Variants in NKAIN3 observed in about 807,000 individuals in gnomAD.
The protein encoded by NKAIN3 is sodium/potassium-transporting ATPase subunit beta-1-interacting protein 3.
In NKAIN3, 25 loss-of-function variants were observed where a neutral mutation model predicts 30.2. The ratio of observed to expected loss-of-function variants is 0.83; its 90% CI spans 0.60 to 1.16. NKAIN3 has a LOEUF of 1.16. Among genes scored for constraint, NKAIN3 ranks in the 50% most tolerant of loss-of-function variants. The pLI is 0.00. For missense variants in NKAIN3, 225 were observed against 254.1 expected, an observed-to-expected ratio of 0.89 and a Z score of 0.78; for synonymous variants, 91 against 89.6, an observed-to-expected ratio of 1.02 and a Z score of -0.09.
intron 4 of NKAIN3, among the ~76,000 whole-genome samples, chr8:62,777,637 T>A (rs903698854): frequency 2.0e-5 from 3 of 152,212 alleles, no homozygotes; most frequent in Non-Finnish European, 2.9e-5. Flanking sequence ...ACCAAAAAGC[T>A]ACTTTGAATT....
At chr8:62,778,404 C>T (rs1178335879) in intron 4 of NKAIN3, among the ~76,000 whole-genome samples, 1 of 152,124 alleles carries the variant, frequency 6.6e-6, no homozygotes, top group Non-Finnish European at 1.5e-5. Flanking sequence ...TGAGCTGGCA[C>T]TGAAGCCACA....
At position 62,305,023 on chromosome 8, in the gene NKAIN3, A is replaced by C. The variant is rs1814180622; in HGVS notation, c.54+55896A>C. Among the ~76,000 whole-genome samples the C allele has an allele frequency of 2.0e-5, 3 of 150,672 alleles. No individual in the cohort carries two copies. The South Asian group carries it at 6.2e-4, about 31-fold the overall frequency. On this transcript the variant is annotated intron_variant, in intron 1 of 6. Coordinates refer to ENST00000623646, the MANE Select transcript of NKAIN3 (RefSeq NM_001304533.3). ...GATACTGATGTGTAAAATGAGAATA[A>C]TTATCAGCTGGTTTAAAGATCAGAA...
chr8:62,940,032 AC>A (rs1486719919), intron 5 of NKAIN3, among the ~76,000 whole-genome samples: 1 of 152,094 alleles, frequency 6.6e-6, no homozygotes, highest in African/African-American at 2.4e-5. Context: ...ACACATAAGG[AC>A]TCACATAAAC....
chr8:62,834,259 C>A (rs1470812931), intron 4 of NKAIN3, among the ~76,000 whole-genome samples: 1 of 152,002 alleles, frequency 6.6e-6, no homozygotes, highest in Non-Finnish European at 1.5e-5. Context: ...CCCTTAAGAA[C>A]AGGAAGAAAA....
intron 4 of NKAIN3, among the ~76,000 whole-genome samples, chr8:62,916,553 C>T (rs1822111387): frequency 6.6e-6 from 1 of 152,114 alleles, no homozygotes; most frequent in African/African-American, 2.4e-5. Flanking sequence ...CGGCTTTGTT[C>T]AGTCTCACCC....
chr8:62,575,771 A>G (rs1298404003), intron 1 of NKAIN3, among the ~76,000 whole-genome samples: 1 of 152,194 alleles, frequency 6.6e-6, no homozygotes, highest in Non-Finnish European at 1.5e-5. Flanking sequence ...ACAGACACAT[A>G]GATTAATGGA....
intron 3 of NKAIN3, among the ~76,000 whole-genome samples, chr8:62,699,441 G>T (rs1018478848): frequency 3.9e-5 from 6 of 152,166 alleles, no homozygotes; most frequent in African/African-American, 1.2e-4. Flanking sequence ...GAAATAAACT[G>T]CTTTTGATAT....
chr8:62,277,901 T>A (rs1276814530), intron 1 of NKAIN3, among the ~76,000 whole-genome samples: 1 of 152,176 alleles, frequency 6.6e-6, no homozygotes, highest in Non-Finnish European at 1.5e-5. Flanking sequence ...TGTGGGACTA[T>A]GATCTTGAGA....
At position 62,308,600 on chromosome 8, in the gene NKAIN3, T is replaced by A. The variant is rs746261433; in HGVS notation, c.54+59473T>A. 1.5e-4 allele frequency among the ~76,000 whole-genome samples: 23 copies of A among 150,500 alleles called. 1 individual carries two copies. The highest frequency in any genetic ancestry group is 2.4e-4 in the Non-Finnish European group (16 of 68,010). ...TATAAGGATGGCCAACTAGAGTAGT[T>A]GCATTCTGCATGGAAGGTCACCTTC... On this transcript the variant is annotated intron_variant, in intron 1 of 6. Transcript: ENST00000623646.
At chr8:62,763,429 A>G (rs965940105) in intron 4 of NKAIN3, among the ~76,000 whole-genome samples, 2 of 152,104 alleles carry the variant, frequency 1.3e-5, no homozygotes, top group African/African-American at 2.4e-5. Context: ...AAAACTGCTA[A>G]CAAGAAAGCT....
intron 3 of NKAIN3, among the ~76,000 whole-genome samples, chr8:62,715,930 A>C (rs530601325): frequency 5.9e-5 from 9 of 152,246 alleles, no homozygotes; most frequent in Non-Finnish European, 1.2e-4. Flanking sequence ...CCTGTCTGCT[A>C]TGAAGATGAC....
chr8:62,615,430 G>A (rs1290038457), intron 3 of NKAIN3, among the ~76,000 whole-genome samples: 1 of 152,152 alleles, frequency 6.6e-6, no homozygotes, highest in Admixed American at 6.5e-5. Flanking sequence ...GCTGTGAAGT[G>A]TGGAGTTAGG....
intron 5 of NKAIN3, among the ~76,000 whole-genome samples, chr8:62,933,325 G>A (rs971008840): frequency 5.3e-5 from 8 of 152,012 alleles, no homozygotes; most frequent in African/African-American, 1.7e-4. Context: ...TTGTGAAAGC[G>A]GACAGTAAAA....
At chr8:62,409,845 C>CT (rs796707544) in intron 1 of NKAIN3, among the ~76,000 whole-genome samples, 176 of 147,206 alleles carry the variant, frequency 1.2e-3, no homozygotes, top group African/African-American at 3.9e-3. Flanking sequence ...TAGTTTAGCA[C>CT]TTTTTTTTTT....
At chr8:62,702,468 A>G (rs1194505276) in intron 3 of NKAIN3, among the ~76,000 whole-genome samples, 1 of 152,208 alleles carries the variant, frequency 6.6e-6, no homozygotes. Flanking sequence ...CTTGAAAGTT[A>G]GATTTTTATG....
chr8:62,950,953 T>TC (rs1312784443), intron 5 of NKAIN3, among the ~76,000 whole-genome samples: 1 of 150,880 alleles, frequency 6.6e-6, no homozygotes, highest in Non-Finnish European at 1.5e-5. Context: ...CCTTTTTTTT[T>TC]TTTTTTTTTT....
intron 3 of NKAIN3, among the ~76,000 whole-genome samples, chr8:62,724,726 G>A (rs13281672): frequency 0.58 from 88,804 of 151,876 alleles, 28,124 homozygotes; most frequent in Non-Finnish European, 0.73. Flanking sequence ...CTTTGTTATG[G>A]CTGAATAGTT....
intron 4 of NKAIN3, among the ~76,000 whole-genome samples, chr8:62,762,603 G>A (rs6989572): frequency 0.087 from 13,188 of 152,244 alleles, 670 homozygotes; most frequent in East Asian, 0.19. Context: ...AGAATGGATT[G>A]GAGAGAACAA....
intron 5 of NKAIN3, among the ~76,000 whole-genome samples, chr8:62,944,711 T>C (rs1823072338): frequency 6.6e-6 from 1 of 152,208 alleles, no homozygotes; most frequent in African/African-American, 2.4e-5. Flanking sequence ...TTTCAATTAT[T>C]GGCCATCAAC....
Sources: allele counts gnomAD v4.1 joint callset (sites outside exome capture counted in the v4.1 genomes callset), GRCh38; gene constraint gnomAD v4.1.1; transcripts MANE v1.5; gene names NCBI Gene and HGNC (gene_info 2026-07-23, HGNC 2026-07-21).